MATN2: variants seen among roughly 807,000 people sequenced by gnomAD.
MATN2 encodes the protein matrilin-2.
Under a neutral mutation model 103.2 loss-of-function variants are expected in MATN2, and 69 were observed. The observed-to-expected ratio is 0.67, with a 90% CI of 0.55 to 0.82. MATN2 has a LOEUF of 0.82. Ranked by LOEUF, MATN2 falls within the 40% of genes least tolerant of loss-of-function variation. MATN2 has a pLI of 0.00. For synonymous variants in MATN2, 429 were observed against 450.2 expected (o/e 0.95, Z 0.60); for missense variants, 1,023 against 1,211.5 (o/e 0.84, Z 2.31).
At chr8:97,890,281 A>G (rs550137497) in intron 2 of MATN2, among the ~76,000 whole-genome samples, 2 of 152,142 alleles carry the variant, frequency 1.3e-5, no homozygotes, top group Non-Finnish European at 2.9e-5. Flanking sequence ...CCTGACCAAC[A>G]TGGTGAAACC....
intron 4 of MATN2, among the ~76,000 whole-genome samples, chr8:97,945,965 G>A (rs1810741507): frequency 6.6e-6 from 1 of 152,034 alleles, no homozygotes; most frequent in South Asian, 2.1e-4. Context: ...TTGGATCAGC[G>A]GTTGAGCTGA....
intron 5 of MATN2, among the ~76,000 whole-genome samples, chr8:97,974,493 C>G (rs1433090338): frequency 6.6e-6 from 1 of 152,128 alleles, no homozygotes; most frequent in Non-Finnish European, 1.5e-5. Flanking sequence ...GTCGCCCAGG[C>G]TGGAATGCAG....
chr8:97,935,337 G>A (rs553895927), intron 3 of MATN2, among the ~76,000 whole-genome samples: 8 of 152,300 alleles, frequency 5.3e-5, no homozygotes, highest in African/African-American at 1.4e-4. Context: ...ATGTATGCAT[G>A]TGTTGTTTCA....
In MATN2 at chr8:98,032,243, C is replaced by T; in HGVS notation, c.2510-3C>T. The stretch of plus-strand genomic sequence containing the variant: ...CTTCTTTTGGTCATCTTTTTCTGCT[C>T]AGCTCTAGAAGACTCCGATGGAAGA... On this transcript the variant is annotated splice_polypyrimidine_tract_variant and splice_region_variant and intron_variant, in intron 15 of 18. Transcript: ENST00000254898. The T allele has an allele frequency of 6.2e-7, 1 of 1,608,044 alleles. No individual in the cohort carries two copies. The highest frequency in any genetic ancestry group is 8.5e-7 in the Non-Finnish European group (1 of 1,177,174).
chr8:97,956,478 C>T (rs1286083528), intron 4 of MATN2, among the ~76,000 whole-genome samples: 1 of 152,188 alleles, frequency 6.6e-6, no homozygotes, highest in Non-Finnish European at 1.5e-5. Flanking sequence ...GGCCTATACC[C>T]ACTTTTAACT....
chr8:97,910,187 C>T (rs1245694557), intron 2 of MATN2, among the ~76,000 whole-genome samples: 2 of 151,636 alleles, frequency 1.3e-5, no homozygotes, highest in Non-Finnish European at 1.5e-5. Context: ...TCAGCCTCCC[C>T]AGTAGCTGGG....
chr8:97,927,540 G>A (rs1586422753), intron 2 of MATN2, among the ~76,000 whole-genome samples: 1 of 152,170 alleles, frequency 6.6e-6, no homozygotes, highest in African/African-American at 2.4e-5. Flanking sequence ...AGCCCTTTCA[G>A]GGACAAGCTA....
intron 3 of MATN2, among the ~76,000 whole-genome samples, chr8:97,936,709 T>C (rs1810378618): frequency 6.6e-6 from 1 of 152,170 alleles, no homozygotes; most frequent in Admixed American, 6.5e-5. Context: ...GAGGGCCTTC[T>C]GAGAAATGAG....
chr8:97,973,410 A>G (rs1166616997), intron 5 of MATN2, among the ~76,000 whole-genome samples: 1 of 152,226 alleles, frequency 6.6e-6, no homozygotes, highest in African/African-American at 2.4e-5. Context: ...AATGGAAAAC[A>G]TCATTCAGAG....
At chr8:97,938,560 C>T (rs1489679525) in intron 3 of MATN2, among the ~76,000 whole-genome samples, 3 of 152,148 alleles carry the variant, frequency 2.0e-5, no homozygotes, top group Non-Finnish European at 4.4e-5. Context: ...CACCCAAATG[C>T]TTACCAATGG....
intron 15 of MATN2, chr8:98,031,600 C>T (rs923396199): frequency 2.0e-5 from 3 of 152,194 alleles, no homozygotes; most frequent in African/African-American, 7.2e-5. Flanking sequence ...CTTCCAAGCC[C>T]ACTGTTAAAA....
intron 3 of MATN2, among the ~76,000 whole-genome samples, chr8:97,938,771 T>C (rs1810460572): frequency 6.6e-6 from 1 of 152,234 alleles, no homozygotes; most frequent in Admixed American, 6.5e-5. Flanking sequence ...ATATTCCTGA[T>C]GGAATATAGG....
chr8:97,984,188 G>A (rs535020572), intron 6 of MATN2, among the ~76,000 whole-genome samples: 3 of 152,142 alleles, frequency 2.0e-5, no homozygotes. Context: ...CATCCAACCT[G>A]CATTTGAATA....
At chr8:97,939,855 T>C (rs2130176181) in intron 3 of MATN2, among the ~76,000 whole-genome samples, 1 of 152,270 alleles carries the variant, frequency 6.6e-6, no homozygotes, top group East Asian at 1.9e-4. Flanking sequence ...GAAACTGGGG[T>C]GCATTTTAGA....
chr8:97,984,570 G>A (rs1812132211), intron 6 of MATN2, among the ~76,000 whole-genome samples: 1 of 152,196 alleles, frequency 6.6e-6, no homozygotes. Context: ...CTAGAAGGAG[G>A]TTTTTAAACA....
intron 1 of MATN2, among the ~76,000 whole-genome samples, chr8:97,879,369 A>C (rs1818178559): frequency 1.3e-5 from 2 of 152,178 alleles, no homozygotes; most frequent in Non-Finnish European, 2.9e-5. Context: ...CCATGGTCAG[A>C]GAGGTGGGCA....
chr8:97,978,177 G>C (rs1017053857), intron 5 of MATN2, among the ~76,000 whole-genome samples: 14 of 152,096 alleles, frequency 9.2e-5, no homozygotes, highest in African/African-American at 2.4e-5. Flanking sequence ...GCCCGTAGTA[G>C]GTACTCAGGA....
intron 2 of MATN2, 102 bp downstream of exon 2, chr8:97,888,344 G>A: frequency 1.5e-6 from 2 of 1,323,642 alleles, no homozygotes; most frequent in South Asian, 3.9e-5. Flanking sequence ...TCCTTTCCCT[G>A]GGTCCTTGTT....
chr8:97,899,491 G>C (rs979338127), intron 2 of MATN2, among the ~76,000 whole-genome samples: 1 of 152,120 alleles, frequency 6.6e-6, no homozygotes, highest in Non-Finnish European at 1.5e-5. Flanking sequence ...TGAGCTCAAG[G>C]TGTCGGCTGT....
Sources: gnomAD v4.1 joint callset for allele counts (sites outside exome capture counted in the v4.1 genomes callset) on GRCh38, gnomAD v4.1.1 for gene constraint, MANE v1.5 for transcripts, NCBI Gene and HGNC (gene_info 2026-07-23, HGNC 2026-07-21) for gene names.